The following USP35 variants were observed in gnomAD, a reference collection of about 807,000 sequenced individuals.
USP35 encodes the protein ubiquitin specific peptidase 35, also known as ubiquitin carboxyl-terminal hydrolase 35.
In USP35, 69 loss-of-function variants were observed where a neutral mutation model predicts 83.8. The observed-to-expected ratio is 0.82, with a 90% CI of 0.68 to 1.01. The LOEUF is 1.01. Among genes scored for constraint, USP35 ranks in the 50% least tolerant of loss-of-function variants. The probability of loss-of-function intolerance (pLI) is 0.00; values close to 1 mark genes in which losing one functional copy is unlikely to be tolerated. For missense variants in USP35, 1,503 were observed against 1,362.5 expected (o/e 1.10, Z -1.62); for synonymous variants, 714 against 589.5 (o/e 1.21, Z -3.06).
chr11:78,193,382 T>C (rs1005345561), intron 1 of USP35, among the ~76,000 whole-genome samples: 2 of 151,146 alleles, frequency 1.3e-5, no homozygotes, highest in Admixed American at 1.3e-4. Flanking sequence ...TTTTTTTTTT[T>C]TTTGTAGAGA....
intron 10 of USP35, among the ~76,000 whole-genome samples, chr11:78,213,020 T>A (rs910885859): frequency 6.6e-6 from 1 of 152,194 alleles, no homozygotes; most frequent in African/African-American, 2.4e-5. Flanking sequence ...CTTTGACCAG[T>A]GGGATGGGTG....
Position 78,196,477 on chromosome 11 carries a change from G to C in USP35, c.232G>C (p.Glu78Gln), listed in dbSNP as rs1056233985. 4.0e-6 allele frequency: 5 copies of C among 1,241,636 alleles called. No homozygotes were observed. Among genetic ancestry groups the C allele is most frequent in the Non-Finnish European group, 5.0e-6 (5 of 990,862 alleles). 76.9% of individuals were successfully genotyped at this position (1,241,636 alleles called of 1,614,324 possible). A position where few individuals can be genotyped will look rare whatever the true frequency, so the allele number is the denominator to read the frequency against. The part of the protein sequence containing the change: ...AGRHHPDVFA[E>Q]FFSARRVLRL... ...CCGCCACCACCCCGACGTCTTCGCCGAGTTCTTCAGCGCGCGTCGCGTGCT... is the reference window on the plus strand; with the variant it reads ...CCGCCACCACCCCGACGTCTTCGCCCAGTTCTTCAGCGCGCGTCGCGTGCT... Residue 78 changes from glutamate to glutamine, a missense_variant, in exon 2 of 11, where the codon GAG becomes CAG. By Grantham distance (29) the Glu-to-Gln change is conservative. Transcript: ENST00000529308. The surrounding 1 kb of genome is among the most constrained non-coding windows in gnomAD (Gnocchi z 4.8).
chr11:78,225,278 T>G, the USP35 span: 1 of 942,812 alleles, frequency 1.1e-6, no homozygotes, highest in East Asian at 2.4e-5. Flanking sequence ...CTCACCAGTG[T>G]GGTTCAAGGT....
chr11:78,222,148 G>A, the USP35 span: 1 of 1,614,014 alleles, frequency 6.2e-7, no homozygotes, highest in Non-Finnish European at 8.5e-7. Context: ...TTGAAGGGGA[G>A]TTCATCGATG....
chr11:78,219,089 C>T, downstream of USP35: 1 of 592,576 alleles, frequency 1.7e-6, no homozygotes, highest in Admixed American at 3.0e-5. Context: ...AGAGGAGGTG[C>T]CTTGATCAGG....
intron 3 of USP35, 97 bp from the exon 4 acceptor site, chr11:78,199,498 G>A: frequency 6.4e-7 from 1 of 1,559,892 alleles, no homozygotes; most frequent in Non-Finnish European, 8.7e-7. Context: ...GTGAGTCAAT[G>A]TGGGAACCCA....
At chr11:78,189,888 C>G (rs1414478936) in intron 1 of USP35, among the ~76,000 whole-genome samples, 1 of 152,194 alleles carries the variant, frequency 6.6e-6, no homozygotes, top group African/African-American at 2.4e-5. Context: ...GGGTGAAGCA[C>G]TTCTTCCCAG....
intron 3 of USP35, chr11:78,198,665 G>A (rs1163349751): frequency 9.1e-6 from 9 of 985,234 alleles, no homozygotes; most frequent in Non-Finnish European, 1.1e-5. Context: ...CACCGTCTTC[G>A]TAGGGCCTTC....
intron 2 of USP35, 104 bp downstream of exon 2, chr11:78,197,022 G>A: frequency 7.3e-7 from 1 of 1,368,892 alleles, no homozygotes; most frequent in East Asian, 2.9e-5. Context: ...CGCCCGTGTG[G>A]CACGAGTGTG....
chr11:78,212,664 G>A (rs935740122), intron 10 of USP35, among the ~76,000 whole-genome samples: 2 of 152,138 alleles, frequency 1.3e-5, no homozygotes, highest in Admixed American at 6.5e-5. Flanking sequence ...TTGTGAATGG[G>A]AGTTTGTTCA....
At chr11:78,213,572 T>G (rs546252714) in intron 10 of USP35, 74 bp from the exon 11 acceptor site, 83 of 1,404,334 alleles carry the variant, frequency 5.9e-5, no homozygotes, top group South Asian at 3.7e-4. Flanking sequence ...TTGAAAGGTG[T>G]TGTGCTGGGT....
intron 6 of USP35, among the ~76,000 whole-genome samples, 191 bp from the exon 7 acceptor site, chr11:78,205,651 C>T (rs1236508793): frequency 6.6e-6 from 1 of 152,196 alleles, no homozygotes; most frequent in Non-Finnish European, 1.5e-5. Context: ...ACCATGGAGG[C>T]AGCCCATATG....
chr11:78,227,537 G>A, the USP35 span, among the ~76,000 whole-genome samples: 5 of 150,524 alleles, frequency 3.3e-5, no homozygotes, highest in East Asian at 1.0e-3. Context: ...GCTCATGACT[G>A]TAATCCCTGC....
Position 78,189,061 on chromosome 11 carries a change from G to T in USP35, c.-107G>T. On this transcript the variant is annotated 5_prime_UTR_variant, in exon 1 of 11. Coordinates refer to ENST00000529308, the MANE Select transcript of USP35 (RefSeq NM_020798.4). The stretch of plus-strand genomic sequence containing the variant: ...TGAGGGCGTCCCCACCCTGGGGGGA[G>T]CAGAGGACCAGCCCTGACCTAGCCG... The T allele has an allele frequency of 1.4e-6, 1 of 692,384 alleles. No homozygotes were observed. Among genetic ancestry groups the T allele is most frequent in the Non-Finnish European group, 1.8e-6 (1 of 562,202 alleles). The allele number at this position is 692,384 out of a possible 1,614,324, so 42.9% of individuals were successfully genotyped here.
chr11:78,202,209 TG>T (rs1470316258), intron 6 of USP35, among the ~76,000 whole-genome samples: 2 of 152,198 alleles, frequency 1.3e-5, no homozygotes, highest in Non-Finnish European at 2.9e-5. Context: ...GGTCAGACTT[TG>T]GGCCTATCCC....
the USP35 span, among the ~76,000 whole-genome samples, chr11:78,221,054 C>T: frequency 6.6e-6 from 1 of 152,208 alleles, no homozygotes; most frequent in Non-Finnish European, 1.5e-5. Flanking sequence ...AGATGACACG[C>T]TCTAGGATCC....
At chr11:78,193,775 C>G (rs17136347) in intron 1 of USP35, among the ~76,000 whole-genome samples, 3,726 of 152,300 alleles carry the variant, frequency 0.024, 159 homozygotes, top group African/African-American at 0.086. Context: ...AACCCAGAAT[C>G]GAACACATCA....
chr11:78,210,152 A>T lies in USP35; in HGVS notation c.2297A>T (p.Asn766Ile). 1 of 1,613,692 alleles carries T rather than the reference A, an allele frequency of 6.2e-7. No individual in the cohort carries two copies. Among genetic ancestry groups the T allele is most frequent in the Non-Finnish European group, 8.5e-7 (1 of 1,179,838 alleles). Residue 766 changes from asparagine (N) to isoleucine (I), a missense_variant, in exon 10 of 11, where the codon AAC becomes ATC. Coordinates refer to ENST00000529308, the MANE Select transcript of USP35 (RefSeq NM_020798.4). ...EGSRSVLDLVNYFLSPEKLTA... is the reference protein window; with the variant it reads ...EGSRSVLDLVIYFLSPEKLTA... ...TCCCGCTCCGTCCTGGACCTGGTTA[A>T]CTACTTCCTGTCCCCCGAGAAGCTG...
the USP35 span, chr11:78,225,190 T>A: frequency 6.2e-7 from 1 of 1,609,058 alleles, no homozygotes; most frequent in South Asian, 1.1e-5. Context: ...CTCGTAGGTC[T>A]CACAGGAAGA....
Sources: allele counts gnomAD v4.1 joint callset (sites outside exome capture counted in the v4.1 genomes callset), GRCh38; gene constraint gnomAD v4.1.1; non-coding constraint Gnocchi (gnomAD v3.1); transcripts MANE v1.5; gene names NCBI Gene and HGNC (gene_info 2026-07-23, HGNC 2026-07-21).